The following GAB2 variants were observed in gnomAD, a reference collection of about 807,000 sequenced individuals.
GAB2 encodes the protein GRB2 associated binding protein 2.
Under a neutral mutation model 65.5 loss-of-function variants are expected in GAB2, and 26 were observed. That is an observed-to-expected ratio of 0.40 (90% CI 0.29 to 0.55). GAB2 has a LOEUF of 0.55. Ranked by LOEUF, GAB2 falls within the 20% of genes least tolerant of loss-of-function variation. GAB2 has a pLI of 0.53. For missense variants in GAB2, 884 were observed against 875.8 expected (o/e 1.01, Z -0.12); for synonymous variants, 321 against 329.6 (o/e 0.97, Z 0.28).
At chr11:78,333,782 G>A (rs1401920913) in intron 1 of GAB2, among the ~76,000 whole-genome samples, 1 of 152,152 alleles carries the variant, frequency 6.6e-6, no homozygotes, top group Non-Finnish European at 1.5e-5. Context: ...TGAGACACCT[G>A]AAGGCTCCTC....
Position 78,216,927 on chromosome 11 carries a change from G to A in GAB2, c.*2345C>T, listed in dbSNP as rs2134442843. On this transcript the variant is annotated 3_prime_UTR_variant, in exon 10 of 10. Transcript: ENST00000361507. ...CCACCACTGCTTCCATTCACTTATT[G>A]GAACACCAAGGCATGGCCCCTACAC... 1 of 152,392 alleles carries A rather than the reference G, an allele frequency of 6.6e-6. No individual in the cohort carries two copies. Among genetic ancestry groups the A allele is most frequent in the Admixed American group, 6.5e-5 (1 of 15,298 alleles). 9.4% of individuals were successfully genotyped at this position (152,392 alleles called of 1,614,324 possible).
intron 1 of GAB2, among the ~76,000 whole-genome samples, chr11:78,413,146 T>C (rs1458218762): frequency 1.3e-5 from 2 of 152,146 alleles, no homozygotes; most frequent in Non-Finnish European, 2.9e-5. Context: ...CAAATAGAGA[T>C]GCCCAGTTAA....
intron 3 of GAB2, among the ~76,000 whole-genome samples, chr11:78,239,443 A>G (rs1472267405): frequency 1.3e-5 from 2 of 151,594 alleles, no homozygotes; most frequent in African/African-American, 2.4e-5. Flanking sequence ...CTGGTCTTGA[A>G]CTCCTGACCT....
Position 78,215,775 on chromosome 11 carries a change from C to CG in GAB2, c.*3496_*3497insC, listed in dbSNP as rs1555091166. ...GGCTAGTCCCAGAAAGACGACCCCC[C>CG]ACGGAAGGGCTTTAGCGCTCCTGAG... On this transcript the variant is annotated 3_prime_UTR_variant, in exon 10 of 10. Coordinates refer to ENST00000361507, the MANE Select transcript of GAB2 (RefSeq NM_080491.3). 2 of 152,528 alleles carry CG rather than the reference C, an allele frequency of 1.3e-5. No individual in the cohort carries two copies. Among genetic ancestry groups the CG allele is most frequent in the East Asian group, 1.9e-4 (1 of 5,194 alleles). The allele number at this position is 152,528 out of a possible 1,614,324, so 9.4% of individuals were successfully genotyped here.
chr11:78,348,372 G>A (rs1202846814), intron 1 of GAB2, among the ~76,000 whole-genome samples: 1 of 152,186 alleles, frequency 6.6e-6, no homozygotes, highest in Non-Finnish European at 1.5e-5. Flanking sequence ...GATCATAAAA[G>A]GAACTTGTAC....
rs113277164 is a variant in GAB2, at chr11:78,313,509, G to T, written c.76-32608C>A. Among the ~76,000 whole-genome samples the T allele has an allele frequency of 2.9e-3, 448 of 152,142 alleles. 2 individuals carry two copies. The highest frequency in any genetic ancestry group is 0.01 in the African/African-American group (416 of 41,500). On this transcript the variant is annotated intron_variant, in intron 1 of 9. Coordinates refer to ENST00000361507, the MANE Select transcript of GAB2 (RefSeq NM_080491.3). ...GAACAGGACATAGAACTCTGGTATT[G>T]CCCCACCTCAGGATCACCAGGGATC...
At chr11:78,279,552 A>G (rs1866273628) in intron 2 of GAB2, among the ~76,000 whole-genome samples, 1 of 152,188 alleles carries the variant, frequency 6.6e-6, no homozygotes, top group Non-Finnish European at 1.5e-5. Context: ...TATCATCACT[A>G]TCTAATTCCA....
At chr11:78,220,761 C>A (rs1471337543) in intron 8 of GAB2, among the ~76,000 whole-genome samples, 1 of 152,220 alleles carries the variant, frequency 6.6e-6, no homozygotes, top group East Asian at 1.9e-4. Context: ...CCTGTGCTAA[C>A]CCCTGTACCA....
intron 1 of GAB2, 63 bp downstream of exon 1, chr11:78,417,583 C>T (rs1857215869): frequency 6.5e-6 from 6 of 922,896 alleles, no homozygotes; most frequent in Non-Finnish European, 8.4e-6. Flanking sequence ...CGGGAGTCCC[C>T]CGCCCCTCCG....
chr11:78,389,858 A>G (rs1856813852), intron 1 of GAB2, among the ~76,000 whole-genome samples: 1 of 152,160 alleles, frequency 6.6e-6, no homozygotes, highest in South Asian at 2.1e-4. Context: ...TTCTTTTGTT[A>G]TACCTTTCTC....
At position 78,215,427 on chromosome 11, in the gene GAB2, C is replaced by G. The variant is rs975793496; in HGVS notation, c.*3845G>C. On this transcript the variant is annotated 3_prime_UTR_variant, in exon 10 of 10. Coordinates refer to ENST00000361507, the MANE Select transcript of GAB2 (RefSeq NM_080491.3). Reference sequence around the variant, plus strand: ...CCACTTGAACACACTCCTGTCCCACCCACCGGATAAATATGTTACAATTTA... The same window carrying G: ...CCACTTGAACACACTCCTGTCCCACGCACCGGATAAATATGTTACAATTTA... 2.6e-5 allele frequency: 4 copies of G among 152,424 alleles called. No homozygotes were observed. The highest frequency in any genetic ancestry group is 5.9e-5 in the Non-Finnish European group (4 of 68,010). 9.4% of individuals were successfully genotyped at this position (152,424 alleles called of 1,614,324 possible).
intron 1 of GAB2, among the ~76,000 whole-genome samples, chr11:78,346,457 AT>A (rs895587228): frequency 3.5e-4 from 53 of 152,048 alleles, no homozygotes; most frequent in African/African-American, 1.1e-3. Context: ...AGAATAGGAA[AT>A]CGAACTTCAT....
chr11:78,416,919 C>A (rs2135106780), intron 1 of GAB2, among the ~76,000 whole-genome samples: 1 of 152,276 alleles, frequency 6.6e-6, no homozygotes, highest in Admixed American at 6.5e-5. Flanking sequence ...CAACACCTGG[C>A]CGCGGAGAGC....
chr11:78,403,006 C>T lies in GAB2; in HGVS notation c.75+14640G>A, dbSNP rs1402282412. Among the ~76,000 whole-genome samples the T allele has an allele frequency of 2.6e-5, 4 of 152,232 alleles. No individual in the cohort carries two copies. The East Asian group carries it at 5.8e-4, about 22-fold the overall frequency. On this transcript the variant is annotated intron_variant, in intron 1 of 9. Transcript: ENST00000361507. ...AAAGAAACCCTGAGGAGCTTCTTTC[C>T]CTCTTCAACCATGTGAGGACACAAT...
intron 1 of GAB2, among the ~76,000 whole-genome samples, chr11:78,356,873 C>T (rs781266457): frequency 6.6e-6 from 1 of 152,154 alleles, no homozygotes; most frequent in Non-Finnish European, 1.5e-5. Context: ...TGAAGACTTA[C>T]GCTAAGTGAA....
intron 1 of GAB2, among the ~76,000 whole-genome samples, chr11:78,338,488 T>C (rs1174241691): frequency 6.6e-6 from 1 of 152,236 alleles, no homozygotes; most frequent in Non-Finnish European, 1.5e-5. Flanking sequence ...TCTAGACTTC[T>C]TGTAATGTGA....
chr11:78,383,291 A>G (rs1856720586), intron 1 of GAB2, among the ~76,000 whole-genome samples: 1 of 152,012 alleles, frequency 6.6e-6, no homozygotes, highest in Admixed American at 6.6e-5. Flanking sequence ...AAAAACAGAA[A>G]TGAAATAATC....
At chr11:78,343,291 G>A (rs564233293) in intron 1 of GAB2, among the ~76,000 whole-genome samples, 15 of 151,172 alleles carry the variant, frequency 9.9e-5, no homozygotes, top group African/African-American at 1.7e-4. Context: ...CTGCTTCCCC[G>A]TTGATAGACT....
At chr11:78,394,190 A>C (rs1856866721) in intron 1 of GAB2, among the ~76,000 whole-genome samples, 1 of 152,188 alleles carries the variant, frequency 6.6e-6, no homozygotes. Flanking sequence ...TGGGAGGCTG[A>C]GGCAGGAGAA....
Sources: gnomAD v4.1 joint callset for allele counts (sites outside exome capture counted in the v4.1 genomes callset) on GRCh38, gnomAD v4.1.1 for gene constraint, MANE v1.5 for transcripts, NCBI Gene and HGNC (gene_info 2026-07-23, HGNC 2026-07-21) for gene names.